Variants in PGPEP1L observed in about 807,000 individuals in gnomAD.
PGPEP1L encodes pyroglutamyl-peptidase I like.
PGPEP1L carries 7 observed loss-of-function variants against 6.0 expected under a neutral mutation model. The observed-to-expected ratio is 1.17, with a 90% confidence interval of 0.66 to 2.19. The LOEUF is 2.19. Ranked by LOEUF, PGPEP1L falls within the 30% of genes most tolerant of loss-of-function variation. PGPEP1L has a pLI of 0.00. For missense variants in PGPEP1L, 209 were observed against 192.5 expected (o/e 1.09, Z -0.51); for synonymous variants, 103 against 83.9 (o/e 1.23, Z -1.24).
rs557592197 is a variant in PGPEP1L at position 99,006,236 on chromosome 15, C to T, written c.-369-580G>A. ...TCTGTGCCCCAGGCACTGTCCCCAG[C>T]TTCATCAGCCCTGAGGAACAGAGGC... On this transcript the variant is annotated intron_variant, in intron 1 of 4. Transcript: ENST00000535714. Among the ~76,000 whole-genome samples the T allele has an allele frequency of 1.4e-4, 22 of 152,352 alleles. 1 individual carries two copies. The South Asian group carries it at 4.3e-3, about 30-fold the overall frequency.
chr15:98,995,899 A>G (rs2017880926), intron 2 of PGPEP1L, among the ~76,000 whole-genome samples: 1 of 152,250 alleles, frequency 6.6e-6, no homozygotes, highest in South Asian at 2.1e-4. Context: ...CTTAATCTGG[A>G]CAATCATGTA....
intron 2 of PGPEP1L, among the ~76,000 whole-genome samples, chr15:99,000,993 C>T (rs1555472945): frequency 6.6e-6 from 1 of 152,056 alleles, no homozygotes; most frequent in Non-Finnish European, 1.5e-5. Flanking sequence ...CCAGCGAGAC[C>T]ACGAACCCAC....
chr15:98,971,138 C>G lies in PGPEP1L; in HGVS notation c.-121G>C. The G allele has an allele frequency of 6.2e-7, 1 of 1,605,840 alleles. No individual in the cohort carries two copies. The highest frequency in any genetic ancestry group is 8.5e-7 in the Non-Finnish European group (1 of 1,176,544). On this transcript the variant is annotated 5_prime_UTR_variant, in exon 3 of 5. Coordinates refer to ENST00000535714, the MANE Select transcript of PGPEP1L (RefSeq NM_001167902.2). ...GCAGCTGCACCACTGTTTCATTCCC[C>G]AGGCCCAGCTTGGAGAGCTCCTGAG...
At chr15:99,002,578 A>G (rs113631149) in intron 2 of PGPEP1L, among the ~76,000 whole-genome samples, 5 of 152,324 alleles carry the variant, frequency 3.3e-5, no homozygotes, top group African/African-American at 7.2e-5. Flanking sequence ...TAATATGTCA[A>G]TATCAGGAGA....
intron 2 of PGPEP1L, among the ~76,000 whole-genome samples, chr15:98,974,388 T>A (rs67979608): frequency 0.23 from 34,880 of 150,764 alleles, 5,250 homozygotes; most frequent in Non-Finnish European, 0.35. Context: ...CAAAAAAAAA[T>A]AAAAATAAAA....
rs1328831593 is a variant in PGPEP1L at position 98,971,209 on chromosome 15, GGTGGGCACC to G, written c.-141-60_-141-52del. The G allele has an allele frequency of 2.9e-4, 41 of 140,744 alleles. 1 individual carries two copies. Among genetic ancestry groups the G allele is most frequent in the Non-Finnish European group, 3.6e-4 (33 of 92,636 alleles). The allele number at this position is 140,744 out of a possible 1,614,324, so 8.7% of individuals were successfully genotyped here. On this transcript the variant is annotated intron_variant, in intron 2 of 4. Transcript: ENST00000535714. ...CCTCAGTTGATGGGGGGGGGGGGGG[GGTGGGCACC>G]AAGAGTCCCTGAAAACCCAATCCTT...
Position 98,968,690 on chromosome 15 carries a change from A to T in PGPEP1L, c.217T>A (p.Cys73Ser). The change falls in exon 5 of 5, where the codon TGT becomes AGT. Residue 73 changes from cysteine to serine, a missense_variant. Physicochemically the swap from Cys to Ser is moderately radical, Grantham distance 112 (BLOSUM62 -1). Transcript: ENST00000535714. ...AGAGACAGGTAATAGGTATAATCAC[A>T]GACGTATCTGCAACCACAGGAAATG... ...IFSRDAGRYVCDYTYYLSLHH... is the reference protein window; with the variant it reads ...IFSRDAGRYVSDYTYYLSLHH... 1 of 1,564,560 alleles carries T rather than the reference A, an allele frequency of 6.4e-7. No individual in the cohort carries two copies. The highest frequency in any genetic ancestry group is 8.7e-7 in the Non-Finnish European group (1 of 1,154,246).
At chr15:98,968,898 T>A (rs757317349) in intron 4 of PGPEP1L, among the ~76,000 whole-genome samples, 1 of 152,108 alleles carries the variant, frequency 6.6e-6, no homozygotes, top group African/African-American at 2.4e-5. Context: ...CATGGCCTCA[T>A]GACCGGCAAG....
intron 2 of PGPEP1L, among the ~76,000 whole-genome samples, chr15:98,988,709 G>C (rs2017781297): frequency 6.6e-6 from 1 of 152,178 alleles, no homozygotes; most frequent in South Asian, 2.1e-4. Context: ...ATACCTCCCA[G>C]TAGGGGCCGA....
intron 2 of PGPEP1L, among the ~76,000 whole-genome samples, chr15:98,999,247 C>G (rs1002426379): frequency 6.6e-6 from 1 of 152,176 alleles, no homozygotes; most frequent in East Asian, 1.9e-4. Flanking sequence ...GAAACTCAAA[C>G]AGTCCAATCA....
intron 2 of PGPEP1L, among the ~76,000 whole-genome samples, chr15:98,983,553 C>T (rs933812333): frequency 6.6e-6 from 1 of 152,128 alleles, no homozygotes; most frequent in Non-Finnish European, 1.5e-5. Context: ...CACTTAAGAG[C>T]TAAGCATGTA....
rs545870056 is a variant in PGPEP1L, at chr15:98,978,963, C to T, written c.-141-7805G>A. Among the ~76,000 whole-genome samples the T allele has an allele frequency of 6.6e-5, 10 of 151,870 alleles. No homozygotes were observed. The East Asian group carries it at 9.7e-4, about 15-fold the overall frequency. Reference sequence around the variant, plus strand: ...CAGGATGGTCTCGATCTCTTGACCTCGTGATCCGCCCACCTTGGCCTCCCA... The same window carrying T: ...CAGGATGGTCTCGATCTCTTGACCTTGTGATCCGCCCACCTTGGCCTCCCA... On this transcript the variant is annotated intron_variant, in intron 2 of 4. Coordinates refer to ENST00000535714, the MANE Select transcript of PGPEP1L (RefSeq NM_001167902.2).
In PGPEP1L at chr15:98,968,309, GTTCT is replaced by G. The variant is rs1439222657; in HGVS notation, c.*165_*168del. On this transcript the variant is annotated 3_prime_UTR_variant, in exon 5 of 5. Transcript: ENST00000535714. ...CTGTGAAATGTCCACCTTTCAGAGT[GTTCT>G]TTCTCCTGACAATAAAATAACCCTT... The G allele has an allele frequency of 1.5e-6, 1 of 660,756 alleles. No homozygotes were observed. Among genetic ancestry groups the G allele is most frequent in the African/African-American group, 1.8e-5 (1 of 55,276 alleles). 40.9% of individuals were successfully genotyped at this position (660,756 alleles called of 1,614,324 possible). A position where few individuals can be genotyped will look rare whatever the true frequency, so the allele number is the denominator to read the frequency against.
intron 2 of PGPEP1L, among the ~76,000 whole-genome samples, chr15:98,980,125 C>T (rs2151757978): frequency 6.6e-6 from 1 of 152,216 alleles, no homozygotes; most frequent in African/African-American, 2.4e-5. Context: ...TCACAAATCA[C>T]CACTAAAGAA....
Position 98,976,753 on chromosome 15 carries a change from T to C in PGPEP1L, c.-141-5595A>G, listed in dbSNP as rs60102088. On this transcript the variant is annotated intron_variant, in intron 2 of 4. Transcript: ENST00000535714. ...GGTCTTGGTAAGGGAAGCTCATGAG[T>C]AGATTATGTTTACTTGCTGCATCTC... Among the ~76,000 whole-genome samples the C allele has an allele frequency of 3.1e-3, 467 of 152,184 alleles. 4 individuals are homozygous for C. The highest frequency in any genetic ancestry group is 0.01 in the African/African-American group (428 of 41,524).
At chr15:98,980,561 G>T (rs947879842) in intron 2 of PGPEP1L, among the ~76,000 whole-genome samples, 1 of 152,186 alleles carries the variant, frequency 6.6e-6, no homozygotes, top group Admixed American at 6.5e-5. Flanking sequence ...AAGCAGAGAG[G>T]AACTCCCCCA....
At chr15:99,001,052 CTCCAAAGG>C in intron 2 of PGPEP1L, 1 of 329,988 alleles carries the variant, frequency 3.0e-6, no homozygotes, top group Non-Finnish European at 6.0e-6. Flanking sequence ...GTAACACTCA[CTCCAAAGG>C]TCCGCAGCTT....
chr15:99,001,298 A>T (rs2017965484), intron 2 of PGPEP1L: 1 of 253,934 alleles, frequency 3.9e-6, no homozygotes, highest in African/African-American at 2.3e-5. Flanking sequence ...AAGAAGCCAG[A>T]GGCAAAGGAC....
At chr15:99,001,643 A>G (rs2017971804) in intron 2 of PGPEP1L, among the ~76,000 whole-genome samples, 1 of 152,130 alleles carries the variant, frequency 6.6e-6, no homozygotes, top group South Asian at 2.1e-4. Context: ...ACCTTAAATT[A>G]CTCCAAGTGA....
Sources: gnomAD v4.1 joint callset for allele counts (sites outside exome capture counted in the v4.1 genomes callset) on GRCh38, gnomAD v4.1.1 for gene constraint, MANE v1.5 for transcripts, NCBI Gene and HGNC (gene_info 2026-07-23, HGNC 2026-07-21) for gene names.